Variants in RAP1A observed in about 807,000 individuals in gnomAD.
The protein encoded by RAP1A is ras-related protein Rap-1A.
In RAP1A, 6 loss-of-function variants were observed where a neutral mutation model predicts 26.4. The ratio of observed to expected loss-of-function variants is 0.23; its 90% CI spans 0.12 to 0.45. The LOEUF (loss-of-function observed/expected upper bound fraction) is 0.45. Ranked by LOEUF, RAP1A falls within the 20% of genes least tolerant of loss-of-function variation. The pLI is 0.99. For missense variants in RAP1A, 121 were observed against 217.2 expected (o/e 0.56, Z 2.78); for synonymous variants, 73 against 79.4 (o/e 0.92, Z 0.43).
At chr1:111,629,910 C>G (rs1367592672) in intron 1 of RAP1A, among the ~76,000 whole-genome samples, 1 of 152,176 alleles carries the variant, frequency 6.6e-6, no homozygotes, top group Non-Finnish European at 1.5e-5. Flanking sequence ...GTTTGTCCAG[C>G]AGAATCTGAA....
intron 1 of RAP1A, among the ~76,000 whole-genome samples, chr1:111,547,529 A>C (rs1657079703): frequency 6.6e-6 from 1 of 152,216 alleles, no homozygotes. Context: ...AAGCTCCATC[A>C]ATTCAAGACA....
At chr1:111,563,900 C>A in intron 1 of RAP1A, 1 of 1,613,908 alleles carries the variant, frequency 6.2e-7, no homozygotes, top group Non-Finnish European at 8.5e-7. Flanking sequence ...TTCCCAGGAG[C>A]TTTCCCACCT....
intron 1 of RAP1A, among the ~76,000 whole-genome samples, chr1:111,580,815 C>G (rs1658241357): frequency 6.6e-6 from 1 of 151,534 alleles, no homozygotes; most frequent in Admixed American, 6.6e-5. Context: ...CCACTGCACT[C>G]TAGCCTGGGC....
intron 1 of RAP1A, among the ~76,000 whole-genome samples, chr1:111,573,941 GC>G (rs1455455141): frequency 2.0e-5 from 3 of 151,988 alleles, no homozygotes; most frequent in Admixed American, 2.0e-4. Flanking sequence ...CTTTTGCTGT[GC>G]AGAAGCTCTT....
chr1:111,623,289 G>C (rs1001615247), intron 1 of RAP1A, among the ~76,000 whole-genome samples: 2 of 152,172 alleles, frequency 1.3e-5, no homozygotes, highest in Middle Eastern at 3.4e-3. Flanking sequence ...GCCTCCAAAA[G>C]TGTTGGGATT....
At chr1:111,645,696 G>A (rs1047727970) in intron 1 of RAP1A, among the ~76,000 whole-genome samples, 1 of 152,136 alleles carries the variant, frequency 6.6e-6, no homozygotes, top group East Asian at 1.9e-4. Context: ...ATAACCCTGC[G>A]AGCCAGGCAC....
chr1:111,653,484 C>T (rs1660342907), intron 1 of RAP1A, among the ~76,000 whole-genome samples: 2 of 151,566 alleles, frequency 1.3e-5, no homozygotes, highest in African/African-American at 4.9e-5. Context: ...GAGTTTGAGA[C>T]CAGCCTGATC....
chr1:111,638,081 A>G (rs1217352914), intron 1 of RAP1A, among the ~76,000 whole-genome samples: 2 of 151,796 alleles, frequency 1.3e-5, no homozygotes, highest in East Asian at 1.9e-4. Flanking sequence ...TTTATATAAA[A>G]CCTACATATA....
chr1:111,577,193 A>G (rs1243980732), intron 1 of RAP1A, among the ~76,000 whole-genome samples: 1 of 152,082 alleles, frequency 6.6e-6, no homozygotes, highest in African/African-American at 2.4e-5. Context: ...ACCGGAGGTT[A>G]GGAATTTGAG....
intron 1 of RAP1A, chr1:111,648,304 G>A: frequency 2.1e-6 from 2 of 974,962 alleles, no homozygotes; most frequent in South Asian, 2.6e-5. Flanking sequence ...TCAGAACTTT[G>A]GTGTCATTGG....
upstream of RAP1A, among the ~76,000 whole-genome samples, chr1:111,618,235 C>T (rs760969340): frequency 1.1e-4 from 17 of 152,198 alleles, no homozygotes; most frequent in Non-Finnish European, 1.6e-4. Flanking sequence ...CAGACTTTCT[C>T]CCCTATGACT....
chr1:111,597,335 TTG>T (rs1658581018), intron 1 of RAP1A, among the ~76,000 whole-genome samples: 1 of 152,254 alleles, frequency 6.6e-6, no homozygotes, highest in African/African-American at 2.4e-5. Flanking sequence ...AGGATCCTGC[TTG>T]TTTCCCAAAG....
At chr1:111,661,571 C>CGG (rs952084252) in intron 1 of RAP1A, among the ~76,000 whole-genome samples, 4 of 152,086 alleles carry the variant, frequency 2.6e-5, no homozygotes, top group Middle Eastern at 3.4e-3. Context: ...GAGGCTGAGG[C>CGG]GGGGGGATCA....
At chr1:111,703,076 A>G (rs1253137936) in intron 4 of RAP1A, among the ~76,000 whole-genome samples, 1 of 152,236 alleles carries the variant, frequency 6.6e-6, no homozygotes. Flanking sequence ...TAGGATCAAA[A>G]GATCTGTTTC....
chr1:111,594,553 A>G, intron 1 of RAP1A, among the ~76,000 whole-genome samples: 1 of 134,702 alleles, frequency 7.4e-6, no homozygotes, highest in South Asian at 2.6e-4. Context: ...AGAAAGAAAG[A>G]AGGAAAGGAG....
chr1:111,611,730 T>C (rs1295373136), intron 1 of RAP1A, among the ~76,000 whole-genome samples: 1 of 152,190 alleles, frequency 6.6e-6, no homozygotes, highest in Non-Finnish European at 1.5e-5. Context: ...GGATCAGAAT[T>C]TGAACTCACG....
intron 1 of RAP1A, among the ~76,000 whole-genome samples, chr1:111,566,866 G>GT (rs56397519): frequency 0.02 from 2,751 of 137,202 alleles, 38 homozygotes; most frequent in African/African-American, 0.04. Flanking sequence ...TGGTGGTTGG[G>GT]TTTTTTTTTT....
chr1:111,568,825 C>T (rs181260944), intron 1 of RAP1A, among the ~76,000 whole-genome samples: 36 of 152,256 alleles, frequency 2.4e-4, no homozygotes, highest in African/African-American at 8.4e-4. Context: ...TCTCCTCTTC[C>T]ACCTTCTTCT....
chr1:111,658,682 T>C (rs1340441155), intron 1 of RAP1A, among the ~76,000 whole-genome samples: 2 of 152,220 alleles, frequency 1.3e-5, no homozygotes, highest in East Asian at 1.9e-4. Flanking sequence ...CCATCACATA[T>C]GCGGTCTAAA....
Sources: gnomAD v4.1 joint callset for allele counts (sites outside exome capture counted in the v4.1 genomes callset) on GRCh38, gnomAD v4.1.1 for gene constraint, MANE v1.5 for transcripts, NCBI Gene and HGNC (gene_info 2026-07-23, HGNC 2026-07-21) for gene names.